The following IL1RAPL1 variants were observed in gnomAD, a reference collection of about 807,000 sequenced individuals.
IL1RAPL1 encodes interleukin-1 receptor accessory protein-like 1.
A neutral mutation model predicts 48.4 loss-of-function variants in IL1RAPL1; 3 were observed. The observed-to-expected ratio is 0.06, with a 90% CI of 0.03 to 0.16. IL1RAPL1 has a LOEUF of 0.16. Ranked by LOEUF, IL1RAPL1 falls within the 10% of genes least tolerant of loss-of-function variation. The pLI is 1.00. For synonymous variants in IL1RAPL1, 185 were observed against 187.7 expected, an observed-to-expected ratio of 0.99 and a Z score of 0.12; for missense variants, 349 against 530.6, an observed-to-expected ratio of 0.66 and a Z score of 3.36.
chrX:29,393,346 C>G (rs965357058), intron 3 of IL1RAPL1, among the ~76,000 whole-genome samples: 30 of 112,065 alleles, frequency 2.7e-4, no homozygotes, highest in Non-Finnish European at 5.3e-4. Flanking sequence ...TGGTCTCGAT[C>G]TCCTGACCTC....
At chrX:28,947,397 A>G (rs1339206853) in intron 2 of IL1RAPL1, among the ~76,000 whole-genome samples, 1 of 111,440 alleles carries the variant, frequency 9.0e-6, no homozygotes, top group Non-Finnish European at 1.9e-5. Flanking sequence ...GGTAAGTGCC[A>G]TGAGAGGTAC....
intron 2 of IL1RAPL1, among the ~76,000 whole-genome samples, chrX:28,817,759 G>A (rs1936886932): frequency 9.0e-6 from 1 of 111,100 alleles, no homozygotes; most frequent in Non-Finnish European, 1.9e-5. Flanking sequence ...AGGTAGCTAA[G>A]TAATTAATTC....
chrX:29,072,940 A>G (rs1435214228), intron 2 of IL1RAPL1, among the ~76,000 whole-genome samples: 1 of 111,996 alleles, frequency 8.9e-6, no homozygotes, highest in Non-Finnish European at 1.9e-5. Context: ...CTGGCTAATC[A>G]TGCCAGTCTG....
intron 8 of IL1RAPL1, among the ~76,000 whole-genome samples, chrX:29,928,226 G>A (rs1932909210): frequency 1.8e-5 from 2 of 111,875 alleles, no homozygotes; most frequent in Non-Finnish European, 3.8e-5. Flanking sequence ...AACTCATATC[G>A]ATGTATTAGA....
chrX:29,099,207 AT>A (rs1173542791), intron 2 of IL1RAPL1, among the ~76,000 whole-genome samples: 3 of 112,030 alleles, frequency 2.7e-5, no homozygotes, highest in African/African-American at 9.8e-5. Flanking sequence ...ATTAGCTGTC[AT>A]TTAAAGAAGA....
intron 6 of IL1RAPL1, among the ~76,000 whole-genome samples, chrX:29,703,953 C>T (rs751864196): frequency 9.0e-6 from 1 of 111,266 alleles, no homozygotes; most frequent in South Asian, 3.8e-4. Context: ...TTTTAAGGGA[C>T]AGGGTCTTGC....
intron 1 of IL1RAPL1, among the ~76,000 whole-genome samples, chrX:28,722,187 G>A (rs751202338): frequency 2.5e-4 from 28 of 111,654 alleles, no homozygotes; most frequent in Admixed American, 1.8e-3. Context: ...ACCTTGGGCA[G>A]TATGGCCATT....
At chrX:28,755,435 A>G (rs182141970) in intron 1 of IL1RAPL1, among the ~76,000 whole-genome samples, 1 of 112,810 alleles carries the variant, frequency 8.9e-6, no homozygotes, top group Non-Finnish European at 1.9e-5. Context: ...TGCACTAGTT[A>G]CATTCCAAGT....
chrX:28,869,570 A>C (rs1303454314), intron 2 of IL1RAPL1, among the ~76,000 whole-genome samples: 3 of 112,119 alleles, frequency 2.7e-5, no homozygotes, highest in African/African-American at 9.7e-5. Context: ...TGGAGTAGAA[A>C]ATGAAAAAAA....
chrX:28,603,755 A>G (rs771631430), intron 1 of IL1RAPL1, among the ~76,000 whole-genome samples: 4 of 112,587 alleles, frequency 3.6e-5, no homozygotes, highest in Admixed American at 2.8e-4. Flanking sequence ...AGGAGAAAAG[A>G]GAGTTTGATT....
intron 2 of IL1RAPL1, among the ~76,000 whole-genome samples, chrX:28,841,043 A>G (rs1206332833): frequency 9.0e-6 from 1 of 111,515 alleles, no homozygotes; most frequent in African/African-American, 3.2e-5. Context: ...ATTTTTTTCA[A>G]TATAATATGA....
chrX:29,729,064 T>A (rs1927851550), intron 6 of IL1RAPL1, among the ~76,000 whole-genome samples: 1 of 111,742 alleles, frequency 8.9e-6, no homozygotes, highest in African/African-American at 3.3e-5. Context: ...TGGCATGGTG[T>A]CATGTCTACG....
At chrX:29,340,332 C>T (rs937322948) in intron 3 of IL1RAPL1, among the ~76,000 whole-genome samples, 1 of 110,977 alleles carries the variant, frequency 9.0e-6, no homozygotes, top group African/African-American at 3.3e-5. Context: ...GTGTGTTCCC[C>T]ATCTCTCCCA....
intron 2 of IL1RAPL1, among the ~76,000 whole-genome samples, chrX:29,211,173 TC>T: frequency 9.0e-6 from 1 of 111,564 alleles, no homozygotes; most frequent in African/African-American, 3.3e-5. Context: ...CACTTTCTTC[TC>T]TTTTAAATAT....
At chrX:29,950,707 C>T (rs996990758) in intron 9 of IL1RAPL1, among the ~76,000 whole-genome samples, 7 of 102,102 alleles carry the variant, frequency 6.9e-5, no homozygotes, top group Admixed American at 2.1e-4. Context: ...GACAGAGTCT[C>T]GCTCTGTCAC....
intron 2 of IL1RAPL1, among the ~76,000 whole-genome samples, chrX:29,250,393 G>A (rs1242898255): frequency 3.6e-5 from 4 of 111,730 alleles, no homozygotes; most frequent in Non-Finnish European, 7.5e-5. Flanking sequence ...CCTTTCAGAA[G>A]AGTGAAGAAA....
At chrX:29,335,273 CGGAGAG>C (rs1932973643) in intron 3 of IL1RAPL1, among the ~76,000 whole-genome samples, 1 of 15,730 alleles carries the variant, frequency 6.4e-5, no homozygotes, top group African/African-American at 2.2e-4. Flanking sequence ...GAGACGGAGA[CGGAGAG>C]GGGAGAGGGG....
intron 6 of IL1RAPL1, among the ~76,000 whole-genome samples, chrX:29,879,403 A>C (rs1222137265): frequency 9.4e-6 from 1 of 105,903 alleles, no homozygotes; most frequent in East Asian, 2.9e-4. Flanking sequence ...GTGTATATAT[A>C]TATATATAAT....
intron 5 of IL1RAPL1, among the ~76,000 whole-genome samples, chrX:29,582,376 TA>T (rs1922999469): frequency 1.8e-5 from 2 of 108,325 alleles, no homozygotes; most frequent in Admixed American, 1.9e-4. Flanking sequence ...TTTATTTTTT[TA>T]TTTTTATTTT....
Sources: gnomAD v4.1 joint callset for allele counts (sites outside exome capture counted in the v4.1 genomes callset) on GRCh38, gnomAD v4.1.1 for gene constraint, MANE v1.5 for transcripts, NCBI Gene and HGNC (gene_info 2026-07-23, HGNC 2026-07-21) for gene names.